The following SMAP1 variants were observed in gnomAD, a reference collection of about 807,000 sequenced individuals.
SMAP1 encodes stromal membrane-associated protein 1.
SMAP1 carries 24 observed loss-of-function variants against 58.5 expected under a neutral mutation model. The observed-to-expected ratio is 0.41, with a 90% CI of 0.30 to 0.58. The LOEUF is 0.58. SMAP1 is among the 20% of genes least tolerant of loss of function. The pLI, the probability that SMAP1 is intolerant of heterozygous loss-of-function variation, is 0.29. For synonymous variants in SMAP1, 216 were observed against 196.6 expected, an observed-to-expected ratio of 1.10 and a Z score of -0.82; for missense variants, 563 against 566.3, an observed-to-expected ratio of 0.99 and a Z score of 0.06.
chr6:70,673,753 G>A (rs991457419), intron 1 of SMAP1, among the ~76,000 whole-genome samples: 1 of 152,164 alleles, frequency 6.6e-6, no homozygotes, highest in African/African-American at 2.4e-5. Context: ...TTGTAATTCT[G>A]CTGATCTCGA....
intron 4 of SMAP1, among the ~76,000 whole-genome samples, chr6:70,783,028 C>T (rs9455223): frequency 6.6e-6 from 1 of 152,186 alleles, no homozygotes; most frequent in South Asian, 2.1e-4. Flanking sequence ...AACTGGGAGG[C>T]ATCCCCTAGT....
At chr6:70,815,837 G>A (rs954113705) in intron 6 of SMAP1, among the ~76,000 whole-genome samples, 3 of 152,118 alleles carry the variant, frequency 2.0e-5, no homozygotes, top group African/African-American at 7.2e-5. Flanking sequence ...TTAAGGAAAT[G>A]CATTGAAAGG....
chr6:70,667,973 C>A lies in SMAP1; in HGVS notation c.-51C>A. On this transcript the variant is annotated 5_prime_UTR_variant, in exon 1 of 11. Transcript: ENST00000370455. ...TGCGTTCACTCTGCCCGGCTCCAGC[C>A]AGCGTCCGCCGCCGCCGTAGCTGCC... 1 of 1,498,318 alleles carries A rather than the reference C, an allele frequency of 6.7e-7. No individual in the cohort carries two copies. The highest frequency in any genetic ancestry group is 1.2e-5 in the South Asian group (1 of 82,226). 92.8% of individuals were successfully genotyped at this position (1,498,318 alleles called of 1,614,324 possible).
intron 1 of SMAP1, among the ~76,000 whole-genome samples, chr6:70,700,447 A>G (rs7750335): frequency 6.6e-6 from 1 of 152,150 alleles, no homozygotes; most frequent in Non-Finnish European, 1.5e-5. Flanking sequence ...TACAGGATGT[A>G]CCACCATGCC....
At chr6:70,768,692 A>C (rs1048671350) in intron 3 of SMAP1, among the ~76,000 whole-genome samples, 2 of 151,962 alleles carry the variant, frequency 1.3e-5, no homozygotes, top group African/African-American at 4.8e-5. Context: ...TGATCTTTTC[A>C]AAAAACCAGC....
At chr6:70,851,731 C>T (rs527298820) in intron 7 of SMAP1, among the ~76,000 whole-genome samples, 7 of 152,182 alleles carry the variant, frequency 4.6e-5, no homozygotes, top group African/African-American at 1.7e-4. Flanking sequence ...TAAAATAAAC[C>T]GGTTTTGAAT....
chr6:70,831,810 A>G (rs1489143978), intron 6 of SMAP1, among the ~76,000 whole-genome samples: 1 of 152,190 alleles, frequency 6.6e-6, no homozygotes, highest in African/African-American at 2.4e-5. Context: ...GTCAAATGGT[A>G]ATTCCATTTA....
rs182598481 is a variant in SMAP1 at position 70,796,196 on chromosome 6, G to A, written c.496-2461G>A. ...ATTACTAACTTCATAAAGTTGTTGT[G>A]AGGATTAAAAGAGCCAAAACAGTGC... On this transcript the variant is annotated intron_variant, in intron 5 of 10. Transcript: ENST00000370455. 3.9e-5 allele frequency among the ~76,000 whole-genome samples: 6 copies of A among 152,306 alleles called. No homozygotes were observed. In the East Asian group the frequency reaches 1.2e-3, roughly 29 times the overall value.
chr6:70,697,941 C>T (rs1419580924), intron 1 of SMAP1, among the ~76,000 whole-genome samples: 4 of 152,152 alleles, frequency 2.6e-5, no homozygotes, highest in African/African-American at 9.7e-5. Context: ...AGTTTATACA[C>T]CACAATTACA....
intron 7 of SMAP1, among the ~76,000 whole-genome samples, chr6:70,850,448 T>G (rs1275281003): frequency 6.6e-6 from 1 of 152,146 alleles, no homozygotes; most frequent in African/African-American, 2.4e-5. Context: ...GTCACCGTTT[T>G]TTTTCCTTTT....
intron 7 of SMAP1, among the ~76,000 whole-genome samples, chr6:70,838,122 G>GT (rs1477901693): frequency 1.1e-4 from 17 of 151,824 alleles, no homozygotes; most frequent in African/African-American, 3.9e-4. Flanking sequence ...TTCCTTTACT[G>GT]TAAATGAGAG....
intron 7 of SMAP1, chr6:70,837,940 G>A (rs1284601219): frequency 1.8e-6 from 2 of 1,128,650 alleles, no homozygotes; most frequent in Non-Finnish European, 2.2e-6. Context: ...CATTTCTTAG[G>A]AAGCTGGTAC....
chr6:70,700,657 A>G (rs1767591328), intron 1 of SMAP1, among the ~76,000 whole-genome samples: 3 of 152,252 alleles, frequency 2.0e-5, no homozygotes, highest in Admixed American at 2.0e-4. Context: ...TAACAGAAGA[A>G]CGACCTAATA....
intron 1 of SMAP1, among the ~76,000 whole-genome samples, chr6:70,689,347 T>C (rs1191238238): frequency 6.6e-6 from 1 of 152,210 alleles, no homozygotes; most frequent in Non-Finnish European, 1.5e-5. Flanking sequence ...TTTCTCCTTT[T>C]GCACCTTTTT....
chr6:70,841,541 T>A (rs1770808882), intron 7 of SMAP1, among the ~76,000 whole-genome samples: 1 of 152,218 alleles, frequency 6.6e-6, no homozygotes, highest in Non-Finnish European at 1.5e-5. Context: ...TTTGATTTTA[T>A]CCATTCTATT....
Position 70,860,239 on chromosome 6 carries a change from A to T in SMAP1, c.1309A>T (p.Thr437Ser). Residue 437 changes from threonine to serine, a missense_variant, in exon 11 of 11, where the codon ACC (threonine) becomes TCC (serine). This residue lies in a region of SMAP1 where 494 missense variants were observed against 473.8 expected (regional missense o/e 1.04). Coordinates refer to ENST00000370455, the MANE Select transcript of SMAP1 (RefSeq NM_001044305.3). ...GGCTGGCATGAGTATCAGTAGTGCA[A>T]CCCCTACTGCAGGTTTTGGCCAGCC... ...QMAGMSISSA[T>S]PTAGFGQPSS... The T allele has an allele frequency of 1.9e-6, 3 of 1,613,466 alleles. No homozygotes were observed. The highest frequency in any genetic ancestry group is 2.5e-6 in the Non-Finnish European group (3 of 1,179,784).
At position 70,861,705 on chromosome 6, in the gene SMAP1, G is replaced by T. The variant is rs759372604; in HGVS notation, c.*1371G>T. On this transcript the variant is annotated 3_prime_UTR_variant, in exon 11 of 11. Transcript: ENST00000370455. ...CTGTGTCCAGGTGGTACTTTGGCTCGTTGGCTAGATTAACCTTCTCTGTCC... is the reference window on the plus strand; with the variant it reads ...CTGTGTCCAGGTGGTACTTTGGCTCTTTGGCTAGATTAACCTTCTCTGTCC... 1 of 1,613,992 alleles carries T rather than the reference G, an allele frequency of 6.2e-7. No individual in the cohort carries two copies. Among genetic ancestry groups the T allele is most frequent in the Non-Finnish European group, 8.5e-7 (1 of 1,179,964 alleles).
At chr6:70,710,687 TTTC>T (rs1271856908) in intron 1 of SMAP1, among the ~76,000 whole-genome samples, 4 of 152,022 alleles carry the variant, frequency 2.6e-5, no homozygotes, top group Admixed American at 1.3e-4. Flanking sequence ...ATATTAAAAA[TTTC>T]TTGATAAATT....
intron 4 of SMAP1, among the ~76,000 whole-genome samples, chr6:70,775,790 A>G (rs986995370): frequency 2.0e-5 from 3 of 152,232 alleles, no homozygotes; most frequent in Non-Finnish European, 4.4e-5. Context: ...AAAAGTCACA[A>G]TAAACCCAAG....
Sources: allele counts gnomAD v4.1 joint callset (sites outside exome capture counted in the v4.1 genomes callset), GRCh38; gene constraint gnomAD v4.1.1; regional missense constraint gnomAD v4.1.1; transcripts MANE v1.5; gene names NCBI Gene and HGNC (gene_info 2026-07-23, HGNC 2026-07-21).